The following ASXL1 variants were observed in gnomAD, a reference collection of about 807,000 sequenced individuals.
The protein encoded by ASXL1 is polycomb group protein ASXL1.
Under a neutral mutation model 89.1 loss-of-function variants are expected in ASXL1, and 65 were observed. The observed-to-expected ratio is 0.73, with a 90% confidence interval of 0.60 to 0.90. ASXL1 has a LOEUF of 0.90. Among genes scored for constraint, ASXL1 ranks in the 40% least tolerant of loss-of-function variants. The probability of loss-of-function intolerance (pLI) is 0.00; values close to 1 mark genes in which losing one functional copy is unlikely to be tolerated. For synonymous variants in ASXL1, 739 were observed against 746.9 expected, an observed-to-expected ratio of 0.99 and a Z score of 0.17; for missense variants, 1,786 against 1,942.9, an observed-to-expected ratio of 0.92 and a Z score of 1.52.
At chr20:32,367,350 A>G (rs1452493696) in intron 2 of ASXL1, among the ~76,000 whole-genome samples, 1 of 152,240 alleles carries the variant, frequency 6.6e-6, no homozygotes, top group African/African-American at 2.4e-5. Flanking sequence ...ACTGCACTCC[A>G]GCCTGGACAA....
chr20:32,377,251 G>A (rs972553997), intron 4 of ASXL1, among the ~76,000 whole-genome samples: 14 of 147,834 alleles, frequency 9.5e-5, no homozygotes, highest in African/African-American at 3.0e-4. Flanking sequence ...CTCGCAAAGT[G>A]CTGGGATTAC....
Position 32,434,717 on chromosome 20 carries a change from G to A in ASXL1, c.2005G>A (p.Gly669Ser), listed in dbSNP as rs751323580. Reference protein sequence around the residue: ...GGRGSSSGDGGEACGHPEPRG... With the variant: ...GGRGSSSGDGSEACGHPEPRG... The stretch of plus-strand genomic sequence containing the variant: ...CAGAGGCAGCAGCAGTGGTGATGGT[G>A]GTGAGGCCTGTGGCCACCCTGAGCC... Residue 669 changes from glycine to serine, a missense_variant, in exon 13 of 13, where the codon GGT becomes AGT. This residue lies in a region of ASXL1 where 1,418 missense variants were observed against 1,427.8 expected (regional missense o/e 0.99). Coordinates refer to ENST00000375687, the MANE Select transcript of ASXL1 (RefSeq NM_015338.6). 1.1e-5 allele frequency: 17 copies of A among 1,610,740 alleles called. No homozygotes were observed. The East Asian group carries it at 3.8e-4, about 36-fold the overall frequency.
chr20:32,434,999 C>G lies in ASXL1; in HGVS notation c.2287C>G (p.Pro763Ala). The G allele has an allele frequency of 6.2e-7, 1 of 1,614,166 alleles. No individual in the cohort carries two copies. The highest frequency in any genetic ancestry group is 8.5e-7 in the Non-Finnish European group (1 of 1,180,028). Residue 763 changes from proline to alanine, a missense_variant, in exon 13 of 13, where the codon CCC becomes GCC. Around this residue, in one of 3 missense-constraint regions of ASXL1, gnomAD observed 1,418 missense variants for 1,427.8 expected, o/e 0.99. Transcript: ENST00000375687. ...PTGDQPCQAL[P>A]LLSSQTSVAE... ...TGGGGACCAGCCATGCCAGGCCTTG[C>G]CCCTACTGTCCTCCCAAACCTCAGT...
intron 2 of ASXL1, among the ~76,000 whole-genome samples, chr20:32,367,452 C>T (rs2048225087): frequency 2.6e-5 from 4 of 152,156 alleles, no homozygotes; most frequent in Admixed American, 2.6e-4. Flanking sequence ...ACAGTCCTTG[C>T]CTGGGACTCA....
intron 4 of ASXL1, among the ~76,000 whole-genome samples, chr20:32,390,051 A>T (rs1423634429): frequency 6.6e-6 from 1 of 152,226 alleles, no homozygotes; most frequent in Non-Finnish European, 1.5e-5. Context: ...GTGTCCCTGT[A>T]AGCCCACCTT....
intron 4 of ASXL1, among the ~76,000 whole-genome samples, chr20:32,418,247 C>A (rs1223407953): frequency 6.6e-6 from 1 of 151,866 alleles, no homozygotes; most frequent in Non-Finnish European, 1.5e-5. Context: ...TGGTGCATGC[C>A]TCTAGTTCCA....
chr20:32,399,242 G>GT (rs933021859), intron 4 of ASXL1, among the ~76,000 whole-genome samples: 15 of 151,048 alleles, frequency 9.9e-5, no homozygotes, highest in East Asian at 5.9e-4. Context: ...TAGTTGACAG[G>GT]TTTTTTTTTC....
At chr20:32,389,710 C>T (rs2048640048) in intron 4 of ASXL1, among the ~76,000 whole-genome samples, 1 of 152,110 alleles carries the variant, frequency 6.6e-6, no homozygotes, top group African/African-American at 2.4e-5. Context: ...CTCAGCCTCA[C>T]AAGTAGTTGG....
chr20:32,375,843 A>G (rs572654508), intron 4 of ASXL1, among the ~76,000 whole-genome samples: 1 of 151,800 alleles, frequency 6.6e-6, no homozygotes, highest in Non-Finnish European at 1.5e-5. Flanking sequence ...CACCACGCCT[A>G]GCTAATTTTT....
At position 32,381,154 on chromosome 20, in the gene ASXL1, C is replaced by T. The variant is rs979704391; in HGVS notation, c.252+12031C>T. 2.0e-5 allele frequency among the ~76,000 whole-genome samples: 3 copies of T among 152,164 alleles called. No homozygotes were observed. In the East Asian group the frequency reaches 5.8e-4, roughly 29 times the overall value. ...AATAGGTGCTAATAAATATTGGCTG[C>T]ATGCAACCAAAAAAGCTGGCTTCGG... is the stretch of plus-strand genomic sequence containing the variant. On this transcript the variant is annotated intron_variant, in intron 4 of 12. Coordinates refer to ENST00000375687, the MANE Select transcript of ASXL1 (RefSeq NM_015338.6).
At chr20:32,370,464 G>C (rs992814521) in intron 4 of ASXL1, among the ~76,000 whole-genome samples, 3 of 152,140 alleles carry the variant, frequency 2.0e-5, no homozygotes, top group Non-Finnish European at 4.4e-5. Flanking sequence ...ACGAAAACAG[G>C]CTGCAGGCCA....
chr20:32,436,728 G>A lies in ASXL1; in HGVS notation c.4016G>A (p.Gly1339Glu), dbSNP rs370510519. The A allele has an allele frequency of 9.9e-6, 16 of 1,614,064 alleles. No individual in the cohort carries two copies. The highest frequency in any genetic ancestry group is 1.4e-5 in the Non-Finnish European group (16 of 1,180,034). Residue 1339 changes from glycine (G) to glutamate (E), a missense_variant, in exon 13 of 13, where the codon GGA becomes GAA. Around this residue, in one of 3 missense-constraint regions of ASXL1, gnomAD observed 1,418 missense variants for 1,427.8 expected, o/e 0.99. Transcript: ENST00000375687. ...CCAGTTTTTCCCAGTGGGAAGTTGGGACCAAGCACAAACTCCATGTCTGGT... is the reference window on the plus strand; with the variant it reads ...CCAGTTTTTCCCAGTGGGAAGTTGGAACCAAGCACAAACTCCATGTCTGGT... ...IPPVFPSGKLGPSTNSMSGGV... is the reference protein window; with the variant it reads ...IPPVFPSGKLEPSTNSMSGGV...
At chr20:32,366,824 C>G (rs1178965504) in intron 2 of ASXL1, among the ~76,000 whole-genome samples, 2 of 152,090 alleles carry the variant, frequency 1.3e-5, no homozygotes, top group Non-Finnish European at 2.9e-5. Flanking sequence ...TTTCTCTATG[C>G]CGTATCACTG....
chr20:32,394,078 C>T (rs1408174333), intron 4 of ASXL1, among the ~76,000 whole-genome samples: 1 of 150,214 alleles, frequency 6.7e-6, no homozygotes. Flanking sequence ...TCTCGGCTCA[C>T]TGCAATCTCC....
chr20:32,411,612 G>A (rs1315425817), intron 4 of ASXL1, among the ~76,000 whole-genome samples: 2 of 147,984 alleles, frequency 1.4e-5, no homozygotes, highest in South Asian at 2.1e-4. Context: ...TGCGATCTTG[G>A]CTCACTGCAG....
At position 32,429,765 on chromosome 20, in the gene ASXL1, C is replaced by T. The variant is rs957669859; in HGVS notation, c.566-136C>T. 52 of 1,268,670 alleles carry T rather than the reference C, an allele frequency of 4.1e-5. No homozygotes were observed. The highest frequency in any genetic ancestry group is 5.3e-5 in the Non-Finnish European group (49 of 921,234). The allele number at this position is 1,268,670 out of a possible 1,614,324, so 78.6% of individuals were successfully genotyped here. A position where few individuals can be genotyped will look rare whatever the true frequency, so the allele number is the denominator to read the frequency against. On this transcript the variant is annotated intron_variant, in intron 7 of 12. Transcript: ENST00000375687. This position sits in a 1 kb window ranked among gnomAD's most constrained non-coding sequence, Gnocchi z 4.9. ...CAGACCATGAAGTGGTGGTTTCTCT[C>T]AGCCTAAGGCTGGGAGATGGAAGCA...
intron 8 of ASXL1, chr20:32,430,753 A>G: frequency 3.8e-6 from 1 of 260,914 alleles, no homozygotes; most frequent in Non-Finnish European, 7.5e-6. Flanking sequence ...GCTCATCAGC[A>G]GTGCTCAATC....
In ASXL1 at chr20:32,434,573, G is replaced by C. The variant is rs760727236; in HGVS notation, c.1861G>C (p.Ala621Pro). Reference protein sequence around the residue: ...ARTLADIKARALQVRGARGHH... With the variant: ...ARTLADIKARPLQVRGARGHH... ...GACCCTCGCAGACATTAAAGCCCGTGCTCTGCAGGTCCGAGGGGCGAGAGG... is the reference window on the plus strand; with the variant it reads ...GACCCTCGCAGACATTAAAGCCCGTCCTCTGCAGGTCCGAGGGGCGAGAGG... The change falls in exon 13 of 13, where the codon GCT becomes CCT. Residue 621 changes from alanine to proline, a missense_variant. Physicochemically the swap from Ala to Pro is conservative, Grantham distance 27. Around this residue, in one of 3 missense-constraint regions of ASXL1, gnomAD observed 1,418 missense variants for 1,427.8 expected, o/e 0.99. Coordinates refer to ENST00000375687, the MANE Select transcript of ASXL1 (RefSeq NM_015338.6). 2 of 1,613,524 alleles carry C rather than the reference G, an allele frequency of 1.2e-6. No individual in the cohort carries two copies. Among genetic ancestry groups the C allele is most frequent in the Non-Finnish European group, 1.7e-6 (2 of 1,180,004 alleles).
At chr20:32,376,771 G>T in intron 4 of ASXL1, among the ~76,000 whole-genome samples, 2 of 143,944 alleles carry the variant, frequency 1.4e-5, no homozygotes, top group South Asian at 2.1e-4. Flanking sequence ...TCAGAATTTT[G>T]TATATTATAT....
Sources: gnomAD v4.1 joint callset for allele counts (sites outside exome capture counted in the v4.1 genomes callset) on GRCh38, gnomAD v4.1.1 for gene constraint, gnomAD v4.1.1 regional missense constraint, Gnocchi (gnomAD v3.1) non-coding constraint, MANE v1.5 for transcripts, NCBI Gene and HGNC (gene_info 2026-07-23, HGNC 2026-07-21) for gene names.